KCNK10: variants seen among roughly 807,000 people sequenced by gnomAD.
KCNK10 encodes potassium two pore domain channel subfamily K member 10.
KCNK10 carries 25 observed loss-of-function variants against 47.7 expected under a neutral mutation model. The observed-to-expected ratio is 0.52, with a 90% CI of 0.38 to 0.73. The LOEUF is 0.73. KCNK10 is among the 30% of genes least tolerant of loss of function. KCNK10 has a pLI of 0.00. For missense variants in KCNK10, 563 were observed against 714.5 expected, an observed-to-expected ratio of 0.79 and a Z score of 2.42; for synonymous variants, 303 against 285.6, an observed-to-expected ratio of 1.06 and a Z score of -0.61.
chr14:88,311,866 T>TGGATG (rs1285098371), intron 1 of KCNK10, among the ~76,000 whole-genome samples: 1 of 144,498 alleles, frequency 6.9e-6, no homozygotes, highest in Non-Finnish European at 1.5e-5. Context: ...GGGGAATTTC[T>TGGATG]GGATGAAAGA....
chr14:88,274,523 C>A (rs894604705), intron 1 of KCNK10, among the ~76,000 whole-genome samples: 6 of 105,340 alleles, frequency 5.7e-5, no homozygotes, highest in African/African-American at 2.2e-4. Context: ...TGCACTTTAG[C>A]CTGGGTGACA....
At chr14:88,226,361 A>T (rs1885986873) in intron 4 of KCNK10, among the ~76,000 whole-genome samples, 2 of 152,230 alleles carry the variant, frequency 1.3e-5, no homozygotes, top group Admixed American at 1.3e-4. Context: ...ATTATTGCAG[A>T]GACAGCCTTG....
At position 88,260,251 on chromosome 14, in the gene KCNK10, G is replaced by T. The variant is rs1331704238; in HGVS notation, c.402+2951C>A. Among the ~76,000 whole-genome samples the T allele has an allele frequency of 6.6e-6, 1 of 152,032 alleles. No individual in the cohort carries two copies. The highest frequency in any genetic ancestry group is 1.9e-4 in the East Asian group (1 of 5,162). Reference sequence around the variant, plus strand: ...AGCCACCGCGCCAGGCCAAGATATGGTTGTTTAAAAGTGTGTAGCATCCCT... The same window carrying T: ...AGCCACCGCGCCAGGCCAAGATATGTTTGTTTAAAAGTGTGTAGCATCCCT... On this transcript the variant is annotated intron_variant, in intron 2 of 6. Coordinates refer to ENST00000319231, the MANE Select transcript of KCNK10 (RefSeq NM_138317.3). The surrounding 1 kb of genome is among the most constrained non-coding windows in gnomAD (Gnocchi z 4.5).
In KCNK10 at chr14:88,323,116, C is replaced by CGG; in HGVS notation, c.-319_-318insCC. 8.4e-7 allele frequency: 1 copy of CGG among 1,191,646 alleles called. No individual in the cohort carries two copies. Among genetic ancestry groups the CGG allele is most frequent in the East Asian group, 5.0e-5 (1 of 20,078 alleles). The allele number at this position is 1,191,646 out of a possible 1,614,324, so 73.8% of individuals were successfully genotyped here. Reference sequence around the variant, plus strand: ...TTGGGGAGATGGAAGAGCCAAGCTGCTTCCCAAAAGCGGTGCCGGCAGGTT... The same window carrying CGG: ...TTGGGGAGATGGAAGAGCCAAGCTGCGGTTCCCAAAAGCGGTGCCGGCAGGTT... On this transcript the variant is annotated 5_prime_UTR_variant, in exon 1 of 7. Coordinates refer to ENST00000319231, the MANE Select transcript of KCNK10 (RefSeq NM_138317.3).
intron 4 of KCNK10, among the ~76,000 whole-genome samples, chr14:88,202,601 C>G (rs1197291631): frequency 6.6e-6 from 1 of 152,238 alleles, no homozygotes; most frequent in Non-Finnish European, 1.5e-5. Flanking sequence ...TGGCACCCGC[C>G]ACTCCCCAGA....
intron 4 of KCNK10, among the ~76,000 whole-genome samples, chr14:88,205,785 G>A (rs117754847): frequency 0.022 from 3,296 of 151,932 alleles, 67 homozygotes; most frequent in African/African-American, 0.046. Context: ...CTCATGATCC[G>A]CCCACATTGG....
chr14:88,186,044 C>A lies in KCNK10; in HGVS notation c.1123G>T (p.Ala375Ser), dbSNP rs938658387. ...VEIHDKLQRA[A>S]TIRSMERRRL... Reference sequence around the variant, plus strand: ...CGGCGCTCCATGCTGCGGATGGTGGCCGCCCGCTGCAGCTTATCGTGGATC... The same window carrying A: ...CGGCGCTCCATGCTGCGGATGGTGGACGCCCGCTGCAGCTTATCGTGGATC... The change falls in exon 7 of 7, where the codon GCC becomes TCC. Residue 375 changes from alanine (A) to serine (S), a missense_variant. Ala to Ser is a moderately conservative substitution (Grantham distance 99). Coordinates refer to ENST00000319231, the MANE Select transcript of KCNK10 (RefSeq NM_138317.3). The surrounding 1 kb of genome is among the most constrained non-coding windows in gnomAD (Gnocchi z 5.5). 1 of 1,613,266 alleles carries A rather than the reference C, an allele frequency of 6.2e-7. No homozygotes were observed. The highest frequency in any genetic ancestry group is 8.5e-7 in the Non-Finnish European group (1 of 1,179,938).
chr14:88,252,054 C>T (rs1886813696), intron 2 of KCNK10, among the ~76,000 whole-genome samples: 1 of 152,224 alleles, frequency 6.6e-6, no homozygotes, highest in African/African-American at 2.4e-5. Flanking sequence ...TAAGTAGGGT[C>T]ACTATATATT....
chr14:88,295,200 C>G, intron 1 of KCNK10, among the ~76,000 whole-genome samples: 1 of 152,170 alleles, frequency 6.6e-6, no homozygotes, highest in East Asian at 1.9e-4. Flanking sequence ...TAATAGAAAT[C>G]AACTTTGCTC....
chr14:88,193,200 T>C (rs1345524327), intron 4 of KCNK10, among the ~76,000 whole-genome samples: 1 of 152,134 alleles, frequency 6.6e-6, no homozygotes, highest in Non-Finnish European at 1.5e-5. Context: ...GAAATCTCCT[T>C]TGGGGCTTTG....
intron 2 of KCNK10, among the ~76,000 whole-genome samples, chr14:88,241,497 C>G (rs532707779): frequency 6.8e-6 from 1 of 146,148 alleles, no homozygotes; most frequent in African/African-American, 2.4e-5. Context: ...CTCCCCCACC[C>G]CCACACCACA....
intron 4 of KCNK10, among the ~76,000 whole-genome samples, chr14:88,210,827 AG>A (rs977568686): frequency 4.7e-5 from 5 of 106,052 alleles, no homozygotes; most frequent in African/African-American, 1.2e-4. Context: ...TAAAAGTTAA[AG>A]GAAAAAAAAA....
rs576918026 is a variant in KCNK10 at position 88,224,709 on chromosome 14, A to C, written c.681+2666T>G. Among the ~76,000 whole-genome samples the C allele has an allele frequency of 1.0e-3, 154 of 152,314 alleles. 1 individual carries two copies. The highest frequency in any genetic ancestry group is 8.3e-3 in the South Asian group (40 of 4,824). ...ACTGCAACCTCCACCTCCTGGGTTCAAGCAATTCTAATGCCTCCGCCTCCC... is the reference window on the plus strand; with the variant it reads ...ACTGCAACCTCCACCTCCTGGGTTCCAGCAATTCTAATGCCTCCGCCTCCC... On this transcript the variant is annotated intron_variant, in intron 4 of 6. Coordinates refer to ENST00000319231, the MANE Select transcript of KCNK10 (RefSeq NM_138317.3).
intron 3 of KCNK10, among the ~76,000 whole-genome samples, chr14:88,227,954 C>A (rs773957135): frequency 5.9e-5 from 9 of 152,098 alleles, no homozygotes; most frequent in Non-Finnish European, 1.0e-4. Context: ...CCACCTGGAC[C>A]GACTGTGGCT....
At chr14:88,211,362 G>A (rs1885451254) in intron 4 of KCNK10, among the ~76,000 whole-genome samples, 2 of 152,184 alleles carry the variant, frequency 1.3e-5, no homozygotes, top group Non-Finnish European at 2.9e-5. Flanking sequence ...GAGAGGAAAT[G>A]AGCAGTTATT....
At chr14:88,236,777 T>C (rs1886313919) in intron 3 of KCNK10, among the ~76,000 whole-genome samples, 1 of 152,226 alleles carries the variant, frequency 6.6e-6, no homozygotes. Flanking sequence ...AAAAAATGTA[T>C]ATATACTCCT....
At chr14:88,226,185 CT>C (rs1885979418) in intron 4 of KCNK10, among the ~76,000 whole-genome samples, 1 of 152,208 alleles carries the variant, frequency 6.6e-6, no homozygotes, top group Non-Finnish European at 1.5e-5. Context: ...ATTCTATCCC[CT>C]TTTGTGGATG....
rs1884447682 is a variant in KCNK10, at chr14:88,183,791, C to T, written c.*1744G>A. ...TTTTGAGAAATGGGCAGGGACAGGT[C>T]TTCCATGGTACCAGTGGTTGAGGAT... is the stretch of plus-strand genomic sequence containing the variant. On this transcript the variant is annotated 3_prime_UTR_variant, in exon 7 of 7. Transcript: ENST00000319231. The T allele has an allele frequency of 6.6e-6, 1 of 152,396 alleles. No homozygotes were observed. Among genetic ancestry groups the T allele is most frequent in the African/African-American group, 2.4e-5 (1 of 41,454 alleles). The allele number at this position is 152,396 out of a possible 1,614,324, so 9.4% of individuals were successfully genotyped here.
At chr14:88,231,990 C>T (rs1244601019) in intron 3 of KCNK10, among the ~76,000 whole-genome samples, 1 of 152,146 alleles carries the variant, frequency 6.6e-6, no homozygotes, top group Non-Finnish European at 1.5e-5. Flanking sequence ...CTGAAAAGTA[C>T]ATAACCTTAA....
Sources: allele counts gnomAD v4.1 joint callset (sites outside exome capture counted in the v4.1 genomes callset), GRCh38; gene constraint gnomAD v4.1.1; non-coding constraint Gnocchi (gnomAD v3.1); transcripts MANE v1.5; gene names NCBI Gene and HGNC (gene_info 2026-07-23, HGNC 2026-07-21).